MRTFB: variants seen among roughly 807,000 people sequenced by gnomAD.
MRTFB encodes myocardin-related transcription factor B.
A neutral mutation model predicts 104.2 loss-of-function variants in MRTFB; 29 were observed. The observed-to-expected ratio is 0.28, with a 90% CI of 0.21 to 0.38. The LOEUF (loss-of-function observed/expected upper bound fraction) is 0.38. Ranked by LOEUF, MRTFB falls within the 10% of genes least tolerant of loss-of-function variation. The pLI is 1.00. For missense variants in MRTFB, 1,270 were observed against 1,341.6 expected, an observed-to-expected ratio of 0.95 and a Z score of 0.83; for synonymous variants, 535 against 519.5, an observed-to-expected ratio of 1.03 and a Z score of -0.41.
chr16:14,118,683 A>C (rs1200378593), intron 2 of MRTFB, among the ~76,000 whole-genome samples: 1 of 151,758 alleles, frequency 6.6e-6, no homozygotes, highest in Non-Finnish European at 1.5e-5. Context: ...ATGCCTGTAC[A>C]CACTATTGAT....
In MRTFB at chr16:14,234,213, C is replaced by G. The variant is rs138935730; in HGVS notation, c.761C>G (p.Pro254Arg). The change falls in exon 9 of 17, where the codon CCA becomes CGA. Residue 254 changes from proline (P) to arginine (R), a missense_variant. This residue lies in a region of MRTFB where 1,144 missense variants were observed against 1,131.5 expected (regional missense o/e 1.01). Transcript: ENST00000571589. ...CCTCCAACTGCAGATCAGCCTCCCC[C>G]ACGGCCTGCAGCTCCTGTCCTCCCC... is the stretch of plus-strand genomic sequence containing the variant. ...KTPPTADQPP[P>R]RPAAPVLPTN... is the part of the protein sequence containing the mutation. The G allele has an allele frequency of 1.0e-4, 167 of 1,614,164 alleles. No homozygotes were observed. The highest frequency in any genetic ancestry group is 2.0e-4 in the East Asian group (9 of 44,880).
chr16:14,158,673 T>C (rs1323622840), intron 3 of MRTFB, among the ~76,000 whole-genome samples: 2 of 152,206 alleles, frequency 1.3e-5, no homozygotes, highest in Admixed American at 1.3e-4. Flanking sequence ...AATATAATCA[T>C]ATGCAAAGCT....
chr16:14,030,990 T>C, the MRTFB span, among the ~76,000 whole-genome samples: 2 of 152,104 alleles, frequency 1.3e-5, no homozygotes, highest in Non-Finnish European at 2.9e-5. Context: ...CCACTACAGG[T>C]ATATAATAAA....
chr16:14,194,641 A>G (rs2040343137), intron 3 of MRTFB, among the ~76,000 whole-genome samples: 2 of 151,856 alleles, frequency 1.3e-5, no homozygotes, highest in African/African-American at 4.8e-5. Context: ...TGATGAGGTT[A>G]ATTGGTACAG....
At position 14,140,708 on chromosome 16, in the gene MRTFB, A is replaced by C; in HGVS notation, c.102A>C (p.Glu34Asp). 1 of 1,613,922 alleles carries C rather than the reference A, an allele frequency of 6.2e-7. No individual in the cohort carries two copies. Among genetic ancestry groups the C allele is most frequent in the African/African-American group, 1.3e-5 (1 of 74,954 alleles). Residue 34 changes from glutamate to aspartate, a missense_variant, in exon 3 of 17, where the codon GAA becomes GAC. Around this residue, in one of 3 missense-constraint regions of MRTFB, gnomAD observed 62 missense variants for 57.2 expected, o/e 1.08. Coordinates refer to ENST00000571589, the MANE Select transcript of MRTFB (RefSeq NM_001308142.2). ...QSEAVAHEFQELSLQSSQNLP... is the reference protein window; with the variant it reads ...QSEAVAHEFQDLSLQSSQNLP... ...AAGCTGTGGCTCATGAATTCCAGGA[A>C]CTCTCCTTGCAGTCCAGTCAAAACT...
intron 2 of MRTFB, among the ~76,000 whole-genome samples, chr16:14,088,452 C>T (rs919824242): frequency 6.6e-6 from 1 of 152,074 alleles, no homozygotes; most frequent in Non-Finnish European, 1.5e-5. Context: ...TTTCTTCCCT[C>T]GGACAGGGAA....
chr16:14,079,486 A>G (rs1236857230), intron 2 of MRTFB, 132 bp downstream of exon 2: 3 of 302,296 alleles, frequency 9.9e-6, no homozygotes, highest in African/African-American at 2.1e-5. Context: ...CATAGAACCT[A>G]GAGTTCTTAA....
At chr16:14,149,264 C>T (rs1469774156) in intron 3 of MRTFB, 1 of 152,082 alleles carries the variant, frequency 6.6e-6, no homozygotes, top group Non-Finnish European at 1.5e-5. Flanking sequence ...AAATGCTAAT[C>T]GTTGGGTGTC....
chr16:14,249,619 C>G (rs372749640), intron 13 of MRTFB, among the ~76,000 whole-genome samples: 2 of 152,296 alleles, frequency 1.3e-5, no homozygotes, highest in South Asian at 2.1e-4. Context: ...CTCTGAGAGT[C>G]AGTTACCTCA....
chr16:14,222,275 C>T lies in MRTFB; in HGVS notation c.693+3277C>T, dbSNP rs1015592938. Among the ~76,000 whole-genome samples, 18 of 152,268 alleles carry T rather than the reference C, an allele frequency of 1.2e-4. 1 individual carries two copies. Among genetic ancestry groups the T allele is most frequent in the Non-Finnish European group, 2.6e-4 (18 of 68,020 alleles). On this transcript the variant is annotated intron_variant, in intron 8 of 16. Coordinates refer to ENST00000571589, the MANE Select transcript of MRTFB (RefSeq NM_001308142.2). ...GCCAAATTTTGTCATGTATTTATTA[C>T]TCATTTTGTGCTGCATGTTTAATCC... is the stretch of plus-strand genomic sequence containing the variant.
intron 2 of MRTFB, among the ~76,000 whole-genome samples, chr16:14,098,838 A>C (rs1351142606): frequency 6.6e-5 from 10 of 152,248 alleles, no homozygotes. Context: ...TGTTGAAATG[A>C]CTATTCTCAC....
intron 2 of MRTFB, among the ~76,000 whole-genome samples, chr16:14,118,772 C>G (rs1292991087): frequency 6.6e-6 from 1 of 151,212 alleles, no homozygotes; most frequent in Non-Finnish European, 1.5e-5. Flanking sequence ...TATATATAAA[C>G]TATATATTGT....
At chr16:14,023,657 ATG>A in the MRTFB span, among the ~76,000 whole-genome samples, 430 of 145,060 alleles carry the variant, frequency 3.0e-3, 3 homozygotes, top group Non-Finnish European at 4.7e-3. Context: ...ATACATATTT[ATG>A]TGTGTGTGTG....
the MRTFB span, among the ~76,000 whole-genome samples, chr16:13,999,130 CAGTGAGCT>C: frequency 2.7e-5 from 4 of 148,304 alleles, no homozygotes; most frequent in Non-Finnish European, 5.9e-5. Context: ...GTGGAGGTTG[CAGTGAGCT>C]GAGATCTCGT....
Position 14,256,121 on chromosome 16 carries a change from AAAAG to A in MRTFB, c.2704-1968_2704-1965del, listed in dbSNP as rs1159436579. Among the ~76,000 whole-genome samples the A allele has an allele frequency of 5.7e-4, 84 of 148,586 alleles. 1 individual carries two copies. Among genetic ancestry groups the A allele is most frequent in the Middle Eastern group, 3.4e-3 (1 of 294 alleles). On this transcript the variant is annotated intron_variant, in intron 15 of 16. Coordinates refer to ENST00000571589, the MANE Select transcript of MRTFB (RefSeq NM_001308142.2). ...AAGCGAGACTGTCTCAAAAAAAAAA[AAAAG>A]AAAGAAAGAAAAATTAGATACAAAA... is the stretch of plus-strand genomic sequence containing the variant.
rs1213838574 is a variant in MRTFB at position 14,261,102 on chromosome 16, G to T, written c.2958G>T (p.Leu986Phe). 1 of 1,614,178 alleles carries T rather than the reference G, an allele frequency of 6.2e-7. No homozygotes were observed. The highest frequency in any genetic ancestry group is 2.2e-5 in the East Asian group (1 of 44,890). Residue 986 changes from leucine to phenylalanine, a missense_variant, in exon 17 of 17, where the codon TTG (leucine) becomes TTT (phenylalanine). Leu to Phe is a conservative substitution (Grantham distance 22, BLOSUM62 0). Around this residue, in one of 3 missense-constraint regions of MRTFB, gnomAD observed 1,144 missense variants for 1,131.5 expected, o/e 1.01. Transcript: ENST00000571589. ...ASLENQLEAF[L>F]DGTLPSANEI... is the part of the protein sequence containing the mutation. ...TAGAGAACCAACTAGAAGCTTTCTT[G>T]GATGGAACTTTACCCTCAGCCAATG...
the MRTFB span, among the ~76,000 whole-genome samples, chr16:14,012,295 C>T: frequency 4.1e-4 from 44 of 107,860 alleles, 1 homozygote; most frequent in African/African-American, 1.2e-3. Flanking sequence ...CTTTTTCTTT[C>T]TTTCTTTTTT....
intron 3 of MRTFB, among the ~76,000 whole-genome samples, chr16:14,162,941 G>GT (rs888480561): frequency 6.3e-4 from 96 of 152,168 alleles, no homozygotes; most frequent in African/African-American, 2.0e-3. Context: ...AACACCATAG[G>GT]TTTTTTTCCT....
the MRTFB span, among the ~76,000 whole-genome samples, chr16:14,032,871 G>A: frequency 1.3e-5 from 2 of 152,118 alleles, no homozygotes; most frequent in African/African-American, 2.4e-5. Context: ...ACCCAGGCTG[G>A]AATACAGTGG....
Sources: gnomAD v4.1 joint callset for allele counts (sites outside exome capture counted in the v4.1 genomes callset) on GRCh38, gnomAD v4.1.1 for gene constraint, gnomAD v4.1.1 regional missense constraint, MANE v1.5 for transcripts, NCBI Gene and HGNC (gene_info 2026-07-23, HGNC 2026-07-21) for gene names.